The following NFATC3 variants were observed in gnomAD, a reference collection of about 807,000 sequenced individuals.
The protein encoded by NFATC3 is nuclear factor of activated T-cells, cytoplasmic 3.
A neutral mutation model predicts 98.6 loss-of-function variants in NFATC3; 46 were observed. The observed-to-expected ratio is 0.47, with a 90% CI of 0.37 to 0.60. The LOEUF is 0.60. NFATC3 is among the 20% of genes least tolerant of loss of function. NFATC3 has a pLI of 0.00. For synonymous variants in NFATC3, 512 were observed against 472.2 expected (o/e 1.08, Z -1.09); for missense variants, 1,256 against 1,295.5 (o/e 0.97, Z 0.47).
chr16:68,113,992 G>C (rs2036127636), intron 1 of NFATC3, among the ~76,000 whole-genome samples: 1 of 152,218 alleles, frequency 6.6e-6, no homozygotes, highest in East Asian at 1.9e-4. Context: ...GAACTTGGTA[G>C]TCTTAGGCAG....
chr16:68,085,824 TTC>T, intron 1 of NFATC3, 40 bp downstream of exon 1: 1 of 1,355,696 alleles, frequency 7.4e-7, no homozygotes, highest in South Asian at 1.6e-5. Context: ...GCGACCCCGC[TTC>T]TCGCTCGCAG....
At chr16:68,212,203 GGTGAGTGAT>G (rs1327199172) in intron 9 of NFATC3, among the ~76,000 whole-genome samples, 2 of 152,136 alleles carry the variant, frequency 1.3e-5, no homozygotes, top group African/African-American at 4.8e-5. Context: ...CTGAAAACTA[GGTGAGTGAT>G]CTCAAATAAT....
intron 8 of NFATC3, among the ~76,000 whole-genome samples, chr16:68,186,223 A>G (rs1395620525): frequency 6.6e-6 from 1 of 152,124 alleles, no homozygotes; most frequent in South Asian, 2.1e-4. Flanking sequence ...TAATTAAAAA[A>G]AAAAAAAGAC....
In NFATC3 at chr16:68,167,058, A is replaced by G. The variant is rs770035481; in HGVS notation, c.1774+43A>G. 16 of 1,568,398 alleles carry G rather than the reference A, an allele frequency of 1.0e-5. No individual in the cohort carries two copies. The East Asian group carries it at 2.5e-4, about 24-fold the overall frequency. On this transcript the variant is annotated intron_variant, in intron 5 of 9. Transcript: ENST00000346183. ...GATGTTTTAAGATCTTGTGTATAAT[A>G]GCTTATTTTCTGTTTTACTTATAAT...
chr16:68,217,464 C>CAAAAAAAA, intron 9 of NFATC3, among the ~76,000 whole-genome samples: 1 of 44,962 alleles, frequency 2.2e-5, no homozygotes, highest in Non-Finnish European at 4.3e-5. Flanking sequence ...GTCTCTGTCT[C>CAAAAAAAA]AAAAAAAAAA....
At chr16:68,086,536 C>T in intron 1 of NFATC3, 1 of 508,210 alleles carries the variant, frequency 2.0e-6, no homozygotes, top group Non-Finnish European at 2.5e-6. Context: ...CAGGTCAGAC[C>T]AATCAGGAAA....
At chr16:68,121,622 A>G (rs1009711405) in intron 1 of NFATC3, among the ~76,000 whole-genome samples, 5 of 150,556 alleles carry the variant, frequency 3.3e-5, no homozygotes, top group South Asian at 4.2e-4. Context: ...TTAGTGAGCT[A>G]TGATCACACC....
chr16:68,159,675 G>A (rs546899889), intron 4 of NFATC3, among the ~76,000 whole-genome samples: 6 of 151,306 alleles, frequency 4.0e-5, no homozygotes, highest in Admixed American at 6.6e-5. Context: ...CACCCACCTC[G>A]GCCTCCTGAA....
intron 9 of NFATC3, chr16:68,209,814 C>G: frequency 5.2e-6 from 2 of 383,366 alleles, no homozygotes; most frequent in East Asian, 1.6e-4. Context: ...ACGAATAAAA[C>G]TCTGGCTAAC....
At chr16:68,140,226 C>T (rs1180428893) in intron 3 of NFATC3, among the ~76,000 whole-genome samples, 1 of 152,138 alleles carries the variant, frequency 6.6e-6, no homozygotes, top group African/African-American at 2.4e-5. Flanking sequence ...TCTCGGAACT[C>T]CTGGCCTCAG....
intron 3 of NFATC3, among the ~76,000 whole-genome samples, chr16:68,149,997 A>G (rs1159443498): frequency 1.3e-5 from 2 of 152,116 alleles, no homozygotes; most frequent in Non-Finnish European, 2.9e-5. Context: ...TCCCTGCTTT[A>G]TATGCTCTAC....
At chr16:68,104,653 G>GTTTTTTTTTTTTGTTTTTTTTT (rs2035547107) in intron 1 of NFATC3, among the ~76,000 whole-genome samples, 1 of 126,698 alleles carries the variant, frequency 7.9e-6, no homozygotes, top group African/African-American at 3.1e-5. Context: ...TTCACAAATG[G>GTTTTTTTTTTTTGTTTTTTTTT]TTTTTTTTTT....
chr16:68,221,164 T>C, intron 9 of NFATC3: 1 of 1,605,128 alleles, frequency 6.2e-7, no homozygotes, highest in Non-Finnish European at 8.5e-7. Context: ...TTATCAAGAT[T>C]GCTAATGACT....
chr16:68,189,491 T>G (rs1261425317), intron 8 of NFATC3: 2 of 168,570 alleles, frequency 1.2e-5, no homozygotes, highest in East Asian at 2.8e-4. Context: ...AGTTTTTCTA[T>G]TTCTGCAAAA....
intron 3 of NFATC3, among the ~76,000 whole-genome samples, chr16:68,152,725 C>T (rs759885701): frequency 1.7e-4 from 26 of 152,206 alleles, no homozygotes; most frequent in Non-Finnish European, 3.2e-4. Flanking sequence ...GGTTTTTATA[C>T]ATTTTTACAT....
chr16:68,089,746 C>G (rs2034603336), intron 1 of NFATC3, among the ~76,000 whole-genome samples: 1 of 152,010 alleles, frequency 6.6e-6, no homozygotes, highest in Admixed American at 6.5e-5. Flanking sequence ...GCCTGTGGTA[C>G]TCTATTTTAG....
At chr16:68,111,383 C>T (rs748695981) in intron 1 of NFATC3, among the ~76,000 whole-genome samples, 55 of 152,106 alleles carry the variant, frequency 3.6e-4, no homozygotes, top group Non-Finnish European at 6.6e-4. Context: ...GTATGCCCTT[C>T]TTTGTCTTTT....
At chr16:68,170,374 G>A (rs2039401540) in intron 5 of NFATC3, among the ~76,000 whole-genome samples, 1 of 126,132 alleles carries the variant, frequency 7.9e-6, no homozygotes, top group Non-Finnish European at 1.6e-5. Flanking sequence ...TGGCAACAAC[G>A]AGATTCTGTC....
intron 5 of NFATC3, among the ~76,000 whole-genome samples, chr16:68,172,617 CA>C (rs554814447): frequency 1.3e-5 from 2 of 151,718 alleles, no homozygotes; most frequent in Non-Finnish European, 2.9e-5. Context: ...CCTGTCTCTA[CA>C]AAAAAAATTT....
Sources: allele counts gnomAD v4.1 joint callset (sites outside exome capture counted in the v4.1 genomes callset), GRCh38; gene constraint gnomAD v4.1.1; transcripts MANE v1.5; gene names NCBI Gene and HGNC (gene_info 2026-07-23, HGNC 2026-07-21).